COL6A2: variants seen among roughly 807,000 people sequenced by gnomAD.
The protein encoded by COL6A2 is collagen type VI alpha 2 chain.
Under a neutral mutation model 124.9 loss-of-function variants are expected in COL6A2, and 90 were observed. The ratio of observed to expected loss-of-function variants is 0.72; its 90% CI spans 0.61 to 0.86. The LOEUF is 0.86. Among genes scored for constraint, COL6A2 ranks in the 40% least tolerant of loss-of-function variants. The probability of loss-of-function intolerance (pLI) is 0.00; values close to 1 mark genes in which losing one functional copy is unlikely to be tolerated. For synonymous variants in COL6A2, 793 were observed against 618.2 expected (o/e 1.28, Z -4.19); for missense variants, 1,607 against 1,502.5 (o/e 1.07, Z -1.15).
rs2078588536 is a variant in COL6A2 at position 46,122,861 on chromosome 21, G to T, written c.1609-14G>T. 1 of 1,611,366 alleles carries T rather than the reference G, an allele frequency of 6.2e-7. No homozygotes were observed. Among genetic ancestry groups the T allele is most frequent in the South Asian group, 1.1e-5 (1 of 91,044 alleles). ...GCTCCTCTGTCCCAGGCTAACATGT[G>T]TTCCCTGTCACAGGGAGGCCGAGGC... is the stretch of plus-strand genomic sequence containing the variant. On this transcript the variant is annotated splice_polypyrimidine_tract_variant and intron_variant, in intron 20 of 27. Transcript: ENST00000300527.
chr21:46,132,831 A>G lies in COL6A2; in HGVS notation c.*279A>G, dbSNP rs1300792264. The G allele has an allele frequency of 1.1e-5, 6 of 542,482 alleles. No homozygotes were observed. The highest frequency in any genetic ancestry group is 3.3e-6 in the Non-Finnish European group (1 of 299,588). The allele number at this position is 542,482 out of a possible 1,614,324, so 33.6% of individuals were successfully genotyped here. A position where few individuals can be genotyped will look rare whatever the true frequency, so the allele number is the denominator to read the frequency against. On this transcript the variant is annotated 3_prime_UTR_variant, in exon 28 of 28. Transcript: ENST00000300527. ...GAGCTCTGGAGCAAGCCCTGACCCA[A>G]TAAAGGCTTTGAACCCATTGCGTGC...
In COL6A2 at chr21:46,126,017, C is replaced by T. The variant is rs1335706125; in HGVS notation, c.2202C>T (p.Arg734=). ...TTGCGGTGGTCATCACGGACGGGCG[C>T]CACGACCCTCGGGACGATGACCTCA... ...RVFAVVITDG[R]HDPRDDDLNL... Residue 734 remains arginine (R), a synonymous_variant, in exon 26 of 28, where the codon CGC becomes CGT. Transcript: ENST00000300527. 4 of 1,612,836 alleles carry T rather than the reference C, an allele frequency of 2.5e-6. No individual in the cohort carries two copies. The highest frequency in any genetic ancestry group is 3.4e-6 in the Non-Finnish European group (4 of 1,179,876).
chr21:46,117,259 G>T, intron 10 of COL6A2, 141 bp from the exon 11 acceptor site: 1 of 801,912 alleles, frequency 1.2e-6, no homozygotes, highest in Non-Finnish European at 2.1e-6. Context: ...CAGCAGCCGT[G>T]GCCTCATGTG....
At chr21:46,100,548 C>T (rs1436647590) in intron 1 of COL6A2, among the ~76,000 whole-genome samples, 1 of 152,174 alleles carries the variant, frequency 6.6e-6, no homozygotes, top group Non-Finnish European at 1.5e-5. Flanking sequence ...GCCCATGGAG[C>T]ACCAACTCGC....
chr21:46,130,951 C>T (rs1180562349), intron 27 of COL6A2, among the ~76,000 whole-genome samples: 2 of 152,248 alleles, frequency 1.3e-5, no homozygotes, highest in African/African-American at 4.8e-5. Flanking sequence ...AGCGTGAGGT[C>T]ACCCTGCTGT....
At chr21:46,122,569 TG>T (rs779359651) in intron 20 of COL6A2, 38 bp downstream of exon 20, 4 of 1,610,016 alleles carry the variant, frequency 2.5e-6, no homozygotes, top group East Asian at 2.2e-5. Flanking sequence ...CCACCCAGGG[TG>T]GGGGTCTGCA....
intron 1 of COL6A2, among the ~76,000 whole-genome samples, 155 bp downstream of exon 1, chr21:46,098,328 G>A (rs909583028): frequency 4.0e-5 from 6 of 151,858 alleles, no homozygotes; most frequent in African/African-American, 1.4e-4. Context: ...CGGGTTCGGG[G>A]CTCCTCCTCG....
Position 46,132,542 on chromosome 21 carries a change from G to A in COL6A2, c.3050G>A (p.Trp1017Ter), listed in dbSNP as rs1366218502. The A allele has an allele frequency of 6.2e-7, 1 of 1,602,386 alleles. No individual in the cohort carries two copies. Among genetic ancestry groups the A allele is most frequent in the African/African-American group, 1.3e-5 (1 of 74,866 alleles). ...GGCTTCTTCGACCGCTTCATCCGCT[G>A]GATCTGCTAGCGCCGCCGCCCGGGC... is the stretch of plus-strand genomic sequence containing the variant. ...QPGFFDRFIR[W>*]IC Residue 1017 changes from tryptophan (W) to a stop codon, truncating the protein, a stop_gained, in exon 28 of 28, where the codon TGG becomes TAG. Coordinates refer to ENST00000300527, the MANE Select transcript of COL6A2 (RefSeq NM_001849.4). LOFTEE classifies it high-confidence loss of function.
Position 46,132,492 on chromosome 21 carries a change from GGACTAT to G in COL6A2, c.3004_3009del (p.Tyr1002_Asp1003del), listed in dbSNP as rs2078775803. The G allele has an allele frequency of 6.2e-7, 1 of 1,607,924 alleles. No homozygotes were observed. ...ACCGCGCCGCCGTGTTCCACGAGAA[GGACTAT>G]GACAGCCTGGCGCAACCCGGCTTCT... On this transcript the variant is annotated inframe_deletion, in exon 28 of 28. Transcript: ENST00000300527.
rs376291264 is a variant in COL6A2, at chr21:46,112,420, G to T, written c.557G>T (p.Arg186Leu). 1 of 1,609,016 alleles carries T rather than the reference G, an allele frequency of 6.2e-7. No homozygotes were observed. Among genetic ancestry groups the T allele is most frequent in the Non-Finnish European group, 8.5e-7 (1 of 1,179,452 alleles). Residue 186 changes from arginine (R) to leucine (L), a missense_variant, in exon 3 of 28, where the codon CGG becomes CTG. Physicochemically the swap from Arg to Leu is moderately radical, Grantham distance 102 (BLOSUM62 -2). Coordinates refer to ENST00000300527, the MANE Select transcript of COL6A2 (RefSeq NM_001849.4). ...GAGCGGGCCCGCGAGGAGGGCATCCGGCTCTTCGCCGTGGCCCCCAACCAG... is the reference window on the plus strand; with the variant it reads ...GAGCGGGCCCGCGAGGAGGGCATCCTGCTCTTCGCCGTGGCCCCCAACCAG... ...QAERAREEGI[R>L]LFAVAPNQNL...
chr21:46,114,816 T>C (rs1302368656), intron 5 of COL6A2, among the ~76,000 whole-genome samples: 1 of 152,200 alleles, frequency 6.6e-6, no homozygotes, highest in African/African-American at 2.4e-5. Context: ...TAACAGAGTA[T>C]GTGAAACTCC....
intron 15 of COL6A2, 138 bp downstream of exon 15, chr21:46,119,988 T>C (rs1230366475): frequency 3.7e-6 from 3 of 809,366 alleles, no homozygotes; most frequent in Admixed American, 2.1e-5. Flanking sequence ...CTCTGCAGAG[T>C]CTGGGAATGC....
intron 18 of COL6A2, 25 bp from the exon 19 acceptor site, chr21:46,122,082 CT>C: frequency 6.2e-7 from 1 of 1,612,186 alleles, no homozygotes; most frequent in Non-Finnish European, 8.5e-7. Flanking sequence ...TATGACCATG[CT>C]GACCGACTCA....
In COL6A2 at chr21:46,112,236, A is replaced by C; in HGVS notation, c.373A>C (p.Ile125Leu). 6.2e-7 allele frequency: 1 copy of C among 1,612,854 alleles called. No homozygotes were observed. Among genetic ancestry groups the C allele is most frequent in the Non-Finnish European group, 8.5e-7 (1 of 1,180,014 alleles). The change falls in exon 3 of 28, where the codon ATC becomes CTC. Residue 125 changes from isoleucine to leucine, a missense_variant. Physicochemically the swap from Ile to Leu is conservative, Grantham distance 5 (BLOSUM62 2). Coordinates refer to ENST00000300527, the MANE Select transcript of COL6A2 (RefSeq NM_001849.4). ...CTCCTTCATCAAGAACCTGCAGGGCATCAGCTCCTTCCGCCGCGGCACCTT... is the reference window on the plus strand; with the variant it reads ...CTCCTTCATCAAGAACCTGCAGGGCCTCAGCTCCTTCCGCCGCGGCACCTT... ...RASFIKNLQG[I>L]SSFRRGTFTD... is the part of the protein sequence containing the mutation.
At position 46,124,539 on chromosome 21, in the gene COL6A2, C is replaced by G. The variant is rs3746994; in HGVS notation, c.1672-112C>G. ...TGTCTTACTCCTTGCACCTGTTAGCCCCCCCCCCCGCCAAGGGAGGACCCG... is the reference window on the plus strand; with the variant it reads ...TGTCTTACTCCTTGCACCTGTTAGCGCCCCCCCCCGCCAAGGGAGGACCCG... On this transcript the variant is annotated intron_variant, in intron 21 of 27. Coordinates refer to ENST00000300527, the MANE Select transcript of COL6A2 (RefSeq NM_001849.4). 2.4e-5 allele frequency: 13 copies of G among 549,016 alleles called. 1 individual carries two copies. Among genetic ancestry groups the G allele is most frequent in the East Asian group, 7.8e-5 (2 of 25,614 alleles). The allele number at this position is 549,016 out of a possible 1,614,324, so 34.0% of individuals were successfully genotyped here. A position where few individuals can be genotyped will look rare whatever the true frequency, so the allele number is the denominator to read the frequency against.
chr21:46,122,628 C>T (rs941639709), intron 20 of COL6A2, 97 bp downstream of exon 20: 2 of 1,386,614 alleles, frequency 1.4e-6, no homozygotes, highest in Non-Finnish European at 2.0e-6. Context: ...ACAGGACCAC[C>T]CCTGTCTTGA....
Position 46,127,455 on chromosome 21 carries a change from C to T in COL6A2, c.2461+914C>T, listed in dbSNP as rs532566131. Among the ~76,000 whole-genome samples, 21 of 152,252 alleles carry T rather than the reference C, an allele frequency of 1.4e-4. No individual in the cohort carries two copies. The South Asian group carries it at 3.1e-3, about 23-fold the overall frequency. On this transcript the variant is annotated intron_variant, in intron 27 of 27. Transcript: ENST00000300527. ...GAGCCGAGGTTCCCCATACGTGCTG[C>T]GACAGAGAACCTAGGGCTTGCACCT...
intron 1 of COL6A2, among the ~76,000 whole-genome samples, chr21:46,103,377 G>A (rs949351618): frequency 2.6e-4 from 39 of 151,966 alleles, no homozygotes; most frequent in African/African-American, 8.7e-4. Context: ...ACCAACTTTT[G>A]TTGTCATTGA....
chr21:46,120,636 C>A, intron 16 of COL6A2, 59 bp downstream of exon 16: 1 of 1,402,012 alleles, frequency 7.1e-7, no homozygotes, highest in South Asian at 1.5e-5. Flanking sequence ...TGCAGGGGGG[C>A]TGCACCCCAA....
Sources: allele counts gnomAD v4.1 joint callset (sites outside exome capture counted in the v4.1 genomes callset), GRCh38; gene constraint gnomAD v4.1.1; transcripts MANE v1.5; gene names NCBI Gene and HGNC (gene_info 2026-07-23, HGNC 2026-07-21).